The following DRC8 variants were observed in gnomAD, a reference collection of about 807,000 sequenced individuals.
DRC8 encodes the protein dynein regulatory complex protein 8.
the DRC8 span, among the ~76,000 whole-genome samples, chr1:245,056,980 C>T: frequency 6.9e-6 from 1 of 143,964 alleles, no homozygotes; most frequent in Non-Finnish European, 1.5e-5. Flanking sequence ...TTGAATTTAA[C>T]AGAATTTAAT....
the DRC8 span, among the ~76,000 whole-genome samples, chr1:245,039,631 T>C: frequency 0.27 from 40,944 of 152,012 alleles, 5,899 homozygotes; most frequent in Middle Eastern, 0.35. Context: ...AATTCCCTCC[T>C]CTCTCCCAGG....
the DRC8 span, among the ~76,000 whole-genome samples, chr1:244,981,248 ACT>A: frequency 6.6e-6 from 1 of 152,144 alleles, no homozygotes; most frequent in Non-Finnish European, 1.5e-5. Context: ...TAGGATCAGA[ACT>A]CTGGGTAAAA....
chr1:245,006,500 T>C, the DRC8 span, among the ~76,000 whole-genome samples: 1 of 152,178 alleles, frequency 6.6e-6, no homozygotes, highest in South Asian at 2.1e-4. Context: ...AGGTGGGGTT[T>C]TATCATGTTG....
chr1:245,037,662 C>T, the DRC8 span, among the ~76,000 whole-genome samples: 2 of 151,820 alleles, frequency 1.3e-5, no homozygotes, highest in South Asian at 4.2e-4. Context: ...AAGTATTTGA[C>T]GTTAAATGGT....
the DRC8 span, among the ~76,000 whole-genome samples, chr1:244,993,221 A>T: frequency 1.3e-5 from 2 of 152,224 alleles, no homozygotes; most frequent in Non-Finnish European, 2.9e-5. Flanking sequence ...AGTGGTATAA[A>T]TAGCAAGAGG....
the DRC8 span, among the ~76,000 whole-genome samples, chr1:244,997,574 G>A: frequency 5.8e-5 from 8 of 137,266 alleles, no homozygotes; most frequent in Admixed American, 3.2e-4. Flanking sequence ...ACGGAGTTTC[G>A]CTCTTGTTGC....
the DRC8 span, among the ~76,000 whole-genome samples, chr1:245,099,096 C>T: frequency 6.6e-6 from 1 of 152,112 alleles, no homozygotes; most frequent in Non-Finnish European, 1.5e-5. Context: ...TAAGAGGAGG[C>T]CTGGGGGTTT....
chr1:245,108,634 C>T, the DRC8 span, among the ~76,000 whole-genome samples: 1 of 152,164 alleles, frequency 6.6e-6, no homozygotes, highest in Non-Finnish European at 1.5e-5. Context: ...AGACATTCTC[C>T]AGCTGAATGT....
the DRC8 span, among the ~76,000 whole-genome samples, chr1:244,988,011 A>G: frequency 6.6e-6 from 1 of 152,164 alleles, no homozygotes; most frequent in African/African-American, 2.4e-5. Flanking sequence ...TTCTTTCGAA[A>G]TTAAGTTTAA....
the DRC8 span, among the ~76,000 whole-genome samples, chr1:244,988,645 A>G: frequency 6.6e-6 from 1 of 152,212 alleles, no homozygotes; most frequent in East Asian, 1.9e-4. Flanking sequence ...TGAGTGTGAC[A>G]TTAGACCTTT....
At chr1:244,988,570 G>T in the DRC8 span, among the ~76,000 whole-genome samples, 1 of 152,084 alleles carries the variant, frequency 6.6e-6, no homozygotes. Context: ...CCAAAATATT[G>T]TTAGTGAAAT....
At chr1:245,118,679 T>C in the DRC8 span, among the ~76,000 whole-genome samples, 1 of 151,846 alleles carries the variant, frequency 6.6e-6, no homozygotes, top group Non-Finnish European at 1.5e-5. Flanking sequence ...TAATCCCAGC[T>C]ACTCAGGAGG....
chr1:245,105,704 T>G, the DRC8 span, among the ~76,000 whole-genome samples: 1 of 151,834 alleles, frequency 6.6e-6, no homozygotes, highest in Non-Finnish European at 1.5e-5. Context: ...TTTGAAATAC[T>G]GTTTGTTCAG....
At chr1:244,986,886 G>A in the DRC8 span, among the ~76,000 whole-genome samples, 3 of 152,234 alleles carry the variant, frequency 2.0e-5, no homozygotes, top group African/African-American at 7.2e-5. Context: ...GAGTCTAAAC[G>A]TTTTTGTGAC....
At chr1:245,019,300 T>C in the DRC8 span, among the ~76,000 whole-genome samples, 1 of 146,216 alleles carries the variant, frequency 6.8e-6, no homozygotes. Flanking sequence ...TGAATGTAGC[T>C]TTATAATTTT....
At chr1:245,057,520 A>G in the DRC8 span, among the ~76,000 whole-genome samples, 1 of 152,248 alleles carries the variant, frequency 6.6e-6, no homozygotes, top group South Asian at 2.1e-4. Flanking sequence ...CTGACAGTAC[A>G]TTTCCATTTG....
chr1:245,071,082 A>G, the DRC8 span, among the ~76,000 whole-genome samples: 1 of 152,222 alleles, frequency 6.6e-6, no homozygotes, highest in Non-Finnish European at 1.5e-5. Context: ...GCTGTTAGGT[A>G]TGCTGTTTAT....
chr1:245,064,511 C>T, the DRC8 span, among the ~76,000 whole-genome samples: 1 of 152,212 alleles, frequency 6.6e-6, no homozygotes, highest in Non-Finnish European at 1.5e-5. Flanking sequence ...TGTTTTCCTT[C>T]TGGGTTGGAC....
chr1:245,104,376 T>A, the DRC8 span, among the ~76,000 whole-genome samples: 1 of 151,770 alleles, frequency 6.6e-6, no homozygotes, highest in Non-Finnish European at 1.5e-5. Flanking sequence ...TGGTGGCGCA[T>A]GCCTGTAATC....
Sources: gnomAD v4.1 joint callset for allele counts (sites outside exome capture counted in the v4.1 genomes callset) on GRCh38, gnomAD v4.1.1 for gene constraint, MANE v1.5 for transcripts, NCBI Gene and HGNC (gene_info 2026-07-23, HGNC 2026-07-21) for gene names.